The following DGKI variants were observed in gnomAD, a reference collection of about 807,000 sequenced individuals.
The protein encoded by DGKI is DAG kinase iota.
In DGKI, 55 loss-of-function variants were observed where a neutral mutation model predicts 147.5. The observed-to-expected ratio is 0.37, with a 90% CI of 0.30 to 0.47. The LOEUF (loss-of-function observed/expected upper bound fraction) is 0.47. Among genes scored for constraint, DGKI ranks in the 20% least tolerant of loss-of-function variants. The pLI, the probability that DGKI is intolerant of heterozygous loss-of-function variation, is 1.00. For synonymous variants in DGKI, 469 were observed against 477.1 expected (o/e 0.98, Z 0.22); for missense variants, 1,007 against 1,323.8 (o/e 0.76, Z 3.71).
intron 6 of DGKI, among the ~76,000 whole-genome samples, chr7:137,626,175 A>C (rs1820933784): frequency 6.6e-6 from 1 of 152,126 alleles, no homozygotes; most frequent in Non-Finnish European, 1.5e-5. Context: ...CTATACACTG[A>C]GTCCTGTGTG....
intron 1 of DGKI, among the ~76,000 whole-genome samples, chr7:137,777,687 T>C (rs1411357791): frequency 2.0e-5 from 3 of 152,270 alleles, no homozygotes; most frequent in Non-Finnish European, 4.4e-5. Flanking sequence ...CAATGTCTTT[T>C]ATTCTCTTTA....
At chr7:137,392,204 A>G (rs1811391371) in intron 32 of DGKI, among the ~76,000 whole-genome samples, 1 of 152,214 alleles carries the variant, frequency 6.6e-6, no homozygotes, top group South Asian at 2.1e-4. Context: ...TGCCTTTTGT[A>G]CACTTATATA....
intron 5 of DGKI, among the ~76,000 whole-genome samples, chr7:137,653,007 G>A (rs144520074): frequency 1.8e-4 from 27 of 152,284 alleles, no homozygotes; most frequent in African/African-American, 6.0e-4. Context: ...GAGGACAACA[G>A]GGATACCTCA....
chr7:137,395,604 G>A lies in DGKI; in HGVS notation c.3051C>T (p.Asp1017=). The change falls in exon 32 of 33, where the codon GAC becomes GAT. Residue 1017 remains aspartate, a synonymous_variant. Coordinates refer to ENST00000614521, the MANE Select transcript of DGKI (RefSeq NM_001321708.2). ...CACTCACTCATCGAGTTACCTTGGA[G>A]TCCGTCTTTCTCAGAGATGCTCCTG... The part of the protein sequence containing the change: ...VDAGASLRKT[D]SKGKTPQERA... 2 of 1,614,046 alleles carry A rather than the reference G, an allele frequency of 1.2e-6. No individual in the cohort carries two copies. The highest frequency in any genetic ancestry group is 1.7e-6 in the Non-Finnish European group (2 of 1,179,892).
Position 137,390,908 on chromosome 7 carries a change from A to G in DGKI, c.*312T>C, listed in dbSNP as rs1811336593. On this transcript the variant is annotated 3_prime_UTR_variant, in exon 33 of 33. Coordinates refer to ENST00000614521, the MANE Select transcript of DGKI (RefSeq NM_001321708.2). The stretch of plus-strand genomic sequence containing the variant: ...GTGCCATTTATACGAACATCCTTTG[A>G]ATCTTTAAAATAAATTATACAGGTG... The G allele has an allele frequency of 1.2e-5, 4 of 334,234 alleles. No individual in the cohort carries two copies. The South Asian group carries it at 1.3e-4, about 11-fold the overall frequency. 20.7% of individuals were successfully genotyped at this position (334,234 alleles called of 1,614,324 possible). A position where few individuals can be genotyped will look rare whatever the true frequency, so the allele number is the denominator to read the frequency against.
At chr7:137,564,573 A>C (rs1362710295) in intron 19 of DGKI, among the ~76,000 whole-genome samples, 1 of 138,024 alleles carries the variant, frequency 7.2e-6, no homozygotes, top group East Asian at 2.0e-4. Context: ...GACTTCTTTT[A>C]AAAAAAACAA....
At chr7:137,501,652 C>T (rs962537863) in intron 21 of DGKI, among the ~76,000 whole-genome samples, 6 of 152,206 alleles carry the variant, frequency 3.9e-5, no homozygotes, top group African/African-American at 1.4e-4. Flanking sequence ...AAATTTCATT[C>T]TGGCACAACC....
chr7:137,486,416 G>A (rs1424650671), intron 22 of DGKI, among the ~76,000 whole-genome samples: 2 of 151,984 alleles, frequency 1.3e-5, no homozygotes, highest in Non-Finnish European at 2.9e-5. Context: ...CAGGTTTCTG[G>A]AGTGAGATTC....
chr7:137,605,379 A>ATAAAAT (rs1563108331), intron 10 of DGKI, among the ~76,000 whole-genome samples: 1 of 147,530 alleles, frequency 6.8e-6, no homozygotes, highest in African/African-American at 2.6e-5. Context: ...ATAAAATAAA[A>ATAAAAT]AAAGTTGAAA....
At chr7:137,691,647 C>T (rs1033173671) in intron 1 of DGKI, among the ~76,000 whole-genome samples, 15 of 152,086 alleles carry the variant, frequency 9.9e-5, no homozygotes, top group Non-Finnish European at 1.5e-4. Flanking sequence ...CAAACTCCCT[C>T]CAAAAAATAA....
At chr7:137,808,945 A>C (rs1038601501) in intron 1 of DGKI, among the ~76,000 whole-genome samples, 3 of 152,066 alleles carry the variant, frequency 2.0e-5, no homozygotes, top group Admixed American at 2.0e-4. Flanking sequence ...TCACTGGGGG[A>C]GCTTTCTCAA....
chr7:137,608,914 C>T (rs532374031), intron 10 of DGKI, 52 bp downstream of exon 10: 326 of 1,399,084 alleles, frequency 2.3e-4, no homozygotes, highest in Non-Finnish European at 2.9e-4. Flanking sequence ...AGAGTTGTGT[C>T]GTCAAGAAAT....
intron 2 of DGKI, among the ~76,000 whole-genome samples, chr7:137,689,154 A>G (rs1204617571): frequency 2.6e-5 from 4 of 152,336 alleles, no homozygotes; most frequent in South Asian, 2.1e-4. Flanking sequence ...AGTGCTAAAC[A>G]AGGTTCATCA....
chr7:137,461,423 C>G (rs1276148753), intron 27 of DGKI, among the ~76,000 whole-genome samples: 2 of 152,120 alleles, frequency 1.3e-5, no homozygotes, highest in Non-Finnish European at 2.9e-5. Context: ...GATATTTCCA[C>G]AACTGCAATT....
Position 137,472,885 on chromosome 7 carries a change from C to G in DGKI, c.2374-3266G>C, listed in dbSNP as rs545163293. Among the ~76,000 whole-genome samples the G allele has an allele frequency of 7.9e-5, 12 of 151,812 alleles. No homozygotes were observed. In the South Asian group the frequency reaches 2.5e-3, roughly 32 times the overall value. On this transcript the variant is annotated intron_variant, in intron 23 of 32. Transcript: ENST00000614521. ...TTGATGTTGAATATGCTGCAGAGGA[C>G]ACAATAAAAAAAATCCTAATTTCTG...
chr7:137,683,838 AAG>A (rs5887849), intron 2 of DGKI, among the ~76,000 whole-genome samples: 44,777 of 151,958 alleles, frequency 0.29, 7,082 homozygotes, highest in South Asian at 0.47. Context: ...CTATTCATCT[AAG>A]AGTGGAGATT....
At chr7:137,774,772 C>G (rs558020349) in intron 1 of DGKI, 2 of 152,366 alleles carry the variant, frequency 1.3e-5, no homozygotes, top group South Asian at 4.1e-4. Flanking sequence ...GCCTTCTTTC[C>G]TCCTGTGAGC....
chr7:137,673,302 G>A (rs762829629), intron 3 of DGKI, among the ~76,000 whole-genome samples: 45 of 152,212 alleles, frequency 3.0e-4, no homozygotes, highest in African/African-American at 8.2e-4. Context: ...ACCAGGCCAC[G>A]GTTTTTGGTC....
chr7:137,385,086 C>CT lies in DGKI; in HGVS notation c.*6133dup. ...ACTCTTAGAATATCAAACCACAGCA[C>CT]TTTTTTATATTGGATGGACAGTAAG... On this transcript the variant is annotated 3_prime_UTR_variant, in exon 33 of 33. Transcript: ENST00000614521. 1 of 152,082 alleles carries CT rather than the reference C, an allele frequency of 6.6e-6. No individual in the cohort carries two copies. The highest frequency in any genetic ancestry group is 6.6e-5 in the Admixed American group (1 of 15,254). 9.4% of individuals were successfully genotyped at this position (152,082 alleles called of 1,614,324 possible).
Sources: allele counts gnomAD v4.1 joint callset (sites outside exome capture counted in the v4.1 genomes callset), GRCh38; gene constraint gnomAD v4.1.1; transcripts MANE v1.5; gene names NCBI Gene and HGNC (gene_info 2026-07-23, HGNC 2026-07-21).